The following ITFG1 variants were observed in gnomAD, a reference collection of about 807,000 sequenced individuals.
ITFG1 encodes integrin alpha FG-GAP repeat containing 1.
In ITFG1, 34 loss-of-function variants were observed where a neutral mutation model predicts 81.8. That is an observed-to-expected ratio of 0.42 (90% CI 0.32 to 0.55). The LOEUF (loss-of-function observed/expected upper bound fraction) is 0.55, where lower values mean the gene tolerates loss of function less well. Among genes scored for constraint, ITFG1 ranks in the 20% least tolerant of loss-of-function variants. The probability of loss-of-function intolerance (pLI) is 0.17; values close to 1 mark genes in which losing one functional copy is unlikely to be tolerated. For synonymous variants in ITFG1, 285 were observed against 270.6 expected (o/e 1.05, Z -0.52); for missense variants, 672 against 755.4 (o/e 0.89, Z 1.29).
At chr16:47,332,983 A>G (rs1400341222) in intron 8 of ITFG1, among the ~76,000 whole-genome samples, 2 of 152,236 alleles carry the variant, frequency 1.3e-5, no homozygotes, top group Non-Finnish European at 2.9e-5. Context: ...AATTGTGTTC[A>G]TAAGCACTGA....
At position 47,188,662 on chromosome 16, in the gene ITFG1, C is replaced by G. The variant is rs1965255953; in HGVS notation, c.1454-25998G>C. Among the ~76,000 whole-genome samples the G allele has an allele frequency of 2.7e-5, 4 of 149,268 alleles. 1 individual carries two copies. The highest frequency in any genetic ancestry group is 2.1e-4 in the South Asian group (1 of 4,664). On this transcript the variant is annotated intron_variant, in intron 14 of 17. Transcript: ENST00000320640. ...GGAGGGATAGCATTGGGAGATATAC[C>G]TAATGCTAGATGACGAGTTAGTGGG...
At chr16:47,439,261 G>A (rs564564268) in intron 5 of ITFG1, among the ~76,000 whole-genome samples, 3 of 152,280 alleles carry the variant, frequency 2.0e-5, no homozygotes, top group Admixed American at 6.5e-5. Flanking sequence ...AAAACACCCT[G>A]CAGGATATTA....
At chr16:47,366,683 C>A (rs1968181804) in intron 7 of ITFG1, among the ~76,000 whole-genome samples, 1 of 152,170 alleles carries the variant, frequency 6.6e-6, no homozygotes, top group South Asian at 2.1e-4. Context: ...CAGAGTTCTT[C>A]TTATCACTGA....
chr16:47,181,564 G>C (rs1187443314), intron 14 of ITFG1, among the ~76,000 whole-genome samples: 23 of 135,252 alleles, frequency 1.7e-4, no homozygotes, highest in African/African-American at 6.5e-4. Flanking sequence ...GGGGGGGTCA[G>C]CCCCCCCGCC....
intron 8 of ITFG1, among the ~76,000 whole-genome samples, chr16:47,364,361 G>A (rs1968148528): frequency 6.6e-6 from 1 of 152,038 alleles, no homozygotes; most frequent in Non-Finnish European, 1.5e-5. Flanking sequence ...TCAAAGTAAA[G>A]CTACTAATAA....
intron 10 of ITFG1, among the ~76,000 whole-genome samples, chr16:47,304,644 T>TAA (rs1380186767): frequency 6.6e-6 from 1 of 152,202 alleles, no homozygotes; most frequent in Non-Finnish European, 1.5e-5. Context: ...AGTATATATA[T>TAA]AACAAGACAG....
intron 5 of ITFG1, among the ~76,000 whole-genome samples, chr16:47,445,232 C>T (rs183661049): frequency 2.4e-5 from 3 of 124,758 alleles, no homozygotes; most frequent in East Asian, 2.3e-4. Context: ...TTTGGGAGAG[C>T]GAGACTCCGT....
intron 5 of ITFG1, 22 bp from the exon 6 acceptor site, chr16:47,428,920 CT>C: frequency 7.1e-7 from 1 of 1,417,370 alleles, no homozygotes; most frequent in Non-Finnish European, 9.8e-7. Context: ...AATAAAAATA[CT>C]TTTCTTAAGG....
At chr16:47,215,735 A>G (rs1470100189) in intron 14 of ITFG1, among the ~76,000 whole-genome samples, 14 of 152,242 alleles carry the variant, frequency 9.2e-5, no homozygotes, top group Admixed American at 9.2e-4. Flanking sequence ...TATAAACATC[A>G]AAAATTATCT....
intron 6 of ITFG1, among the ~76,000 whole-genome samples, chr16:47,380,656 G>C (rs1968385023): frequency 6.6e-6 from 1 of 152,130 alleles, no homozygotes; most frequent in South Asian, 2.1e-4. Flanking sequence ...TTGTGGCTTG[G>C]AATAAAGATT....
At chr16:47,460,650 G>A (rs1178636471) in intron 1 of ITFG1, among the ~76,000 whole-genome samples, 188 bp downstream of exon 1, 3 of 152,136 alleles carry the variant, frequency 2.0e-5, no homozygotes, top group Admixed American at 2.0e-4. Flanking sequence ...AGGGTAGCTG[G>A]GTCAGAACCT....
At chr16:47,367,038 TGACCA>T (rs1356578643) in intron 7 of ITFG1, among the ~76,000 whole-genome samples, 1 of 152,236 alleles carries the variant, frequency 6.6e-6, no homozygotes, top group African/African-American at 2.4e-5. Flanking sequence ...TATTTCTGCC[TGACCA>T]GCTTCAAGTT....
chr16:47,337,496 G>A (rs1967722334), intron 8 of ITFG1, among the ~76,000 whole-genome samples: 2 of 152,154 alleles, frequency 1.3e-5, no homozygotes, highest in Admixed American at 1.3e-4. Flanking sequence ...CCTGAAACCG[G>A]GAGGTGGAGG....
intron 6 of ITFG1, among the ~76,000 whole-genome samples, chr16:47,377,516 C>G (rs1968342204): frequency 6.6e-6 from 1 of 152,132 alleles, no homozygotes; most frequent in African/African-American, 2.4e-5. Context: ...TCAGACAGAG[C>G]AAAGTAGTCG....
intron 13 of ITFG1, among the ~76,000 whole-genome samples, chr16:47,230,856 C>T (rs1293991702): frequency 2.6e-5 from 4 of 152,204 alleles, no homozygotes; most frequent in Non-Finnish European, 5.9e-5. Flanking sequence ...TCACGCCATT[C>T]TCCTGCCTCA....
chr16:47,298,152 C>T (rs1596870184), intron 10 of ITFG1, among the ~76,000 whole-genome samples: 1 of 151,948 alleles, frequency 6.6e-6, no homozygotes, highest in South Asian at 2.1e-4. Flanking sequence ...TTTTTATTTT[C>T]TAGCAGTTCT....
chr16:47,267,579 A>C, intron 10 of ITFG1, among the ~76,000 whole-genome samples: 1 of 152,186 alleles, frequency 6.6e-6, no homozygotes, highest in African/African-American at 2.4e-5. Flanking sequence ...ACGTTTATTG[A>C]CCACAACCCA....
At position 47,413,708 on chromosome 16, in the gene ITFG1, T is replaced by C. The variant is rs192099104; in HGVS notation, c.655+15096A>G. On this transcript the variant is annotated intron_variant, in intron 6 of 17. Transcript: ENST00000320640. ...AAGACTTTGTCTGAAAAAAATACTG[T>C]AGTACATAGCCCACAGATACAATAA... 1.7e-3 allele frequency among the ~76,000 whole-genome samples: 263 copies of C among 152,178 alleles called. 1 individual carries two copies. The highest frequency in any genetic ancestry group is 3.4e-3 in the Middle Eastern group (1 of 294).
Position 47,451,473 on chromosome 16 carries a change from G to A in ITFG1, c.486-3C>T, listed in dbSNP as rs778036466. On this transcript the variant is annotated splice_region_variant and splice_polypyrimidine_tract_variant and intron_variant, in intron 4 of 17. Transcript: ENST00000320640. ...CAGGAATTAGATCACCATTGAAACT[G>A]AAAAAAAATTAAAACAATAAGCAGC... The A allele has an allele frequency of 1.3e-6, 2 of 1,494,042 alleles. No homozygotes were observed. The highest frequency in any genetic ancestry group is 1.4e-5 in the African/African-American group (1 of 71,652). 92.5% of individuals were successfully genotyped at this position (1,494,042 alleles called of 1,614,324 possible).
Sources: gnomAD v4.1 joint callset for allele counts (sites outside exome capture counted in the v4.1 genomes callset) on GRCh38, gnomAD v4.1.1 for gene constraint, MANE v1.5 for transcripts, NCBI Gene and HGNC (gene_info 2026-07-23, HGNC 2026-07-21) for gene names.